Variants in MYO16 observed in about 807,000 individuals in gnomAD.
The protein encoded by MYO16 is unconventional myosin-XVI.
A neutral mutation model predicts 205.3 loss-of-function variants in MYO16; 94 were observed. The ratio of observed to expected loss-of-function variants is 0.46; its 90% CI spans 0.39 to 0.54. MYO16 has a LOEUF of 0.54. Among genes scored for constraint, MYO16 ranks in the 20% least tolerant of loss-of-function variants. The pLI is 0.00. For missense variants in MYO16, 2,315 were observed against 2,387.5 expected, an observed-to-expected ratio of 0.97 and a Z score of 0.63; for synonymous variants, 988 against 954.0, an observed-to-expected ratio of 1.04 and a Z score of -0.66.
the MYO16 span, among the ~76,000 whole-genome samples, chr13:108,556,422 G>C: frequency 2.0e-5 from 3 of 152,154 alleles, no homozygotes; most frequent in African/African-American, 4.8e-5. Context: ...TTGGCCATTT[G>C]TATGAATTCT....
chr13:109,134,697 A>G (rs1257050625), intron 31 of MYO16, among the ~76,000 whole-genome samples: 3 of 152,150 alleles, frequency 2.0e-5, no homozygotes, highest in African/African-American at 7.2e-5. Flanking sequence ...GGGAGAGAGA[A>G]AGCAGTAGAT....
chr13:109,023,919 A>C (rs1566468671), intron 23 of MYO16, among the ~76,000 whole-genome samples: 1 of 140,684 alleles, frequency 7.1e-6, no homozygotes, highest in African/African-American at 2.6e-5. Flanking sequence ...ATAAGTATAA[A>C]ATACATAAAT....
chr13:108,823,910 A>G (rs1443676143), intron 9 of MYO16, among the ~76,000 whole-genome samples: 3 of 152,274 alleles, frequency 2.0e-5, no homozygotes, highest in Middle Eastern at 6.8e-3. Context: ...GGTGTTATGT[A>G]TATAACTTAG....
chr13:109,168,068 A>T (rs1318624980), intron 33 of MYO16, among the ~76,000 whole-genome samples: 2 of 152,154 alleles, frequency 1.3e-5, no homozygotes, highest in African/African-American at 4.8e-5. Flanking sequence ...AAAGAATATT[A>T]GTGGGGTAGA....
intron 1 of MYO16, among the ~76,000 whole-genome samples, chr13:108,612,974 C>T (rs1328893745): frequency 1.3e-5 from 2 of 152,196 alleles, no homozygotes; most frequent in East Asian, 1.9e-4. Flanking sequence ...CAAGAAATAG[C>T]ACTTCATGTT....
chr13:108,722,305 T>G (rs9514888), intron 3 of MYO16, among the ~76,000 whole-genome samples: 73,130 of 151,948 alleles, frequency 0.48, 17,796 homozygotes, highest in East Asian at 0.6. Flanking sequence ...TTGGGAGGAA[T>G]ATTTCCTGGC....
chr13:108,826,128 GAAAAA>G (rs1296690865), intron 9 of MYO16, among the ~76,000 whole-genome samples: 1 of 151,944 alleles, frequency 6.6e-6, no homozygotes, highest in Non-Finnish European at 1.5e-5. Flanking sequence ...ATAATTATGT[GAAAAA>G]AGAACAAAGT....
intron 12 of MYO16, among the ~76,000 whole-genome samples, chr13:108,873,039 T>C (rs1490782360): frequency 6.6e-6 from 1 of 152,202 alleles, no homozygotes; most frequent in African/African-American, 2.4e-5. Flanking sequence ...TATTAGTGCC[T>C]AGTAAATAAT....
intron 2 of MYO16, among the ~76,000 whole-genome samples, chr13:108,666,583 A>T (rs530699051): frequency 6.6e-6 from 1 of 152,182 alleles, no homozygotes; most frequent in South Asian, 2.1e-4. Flanking sequence ...TCAGCCTCCC[A>T]GAGTGCAGGA....
At chr13:109,075,088 C>T (rs1888048427) in intron 27 of MYO16, among the ~76,000 whole-genome samples, 1 of 152,128 alleles carries the variant, frequency 6.6e-6, no homozygotes, top group African/African-American at 2.4e-5. Flanking sequence ...TATTTACACA[C>T]CCATTGATAG....
intron 4 of MYO16, among the ~76,000 whole-genome samples, chr13:108,731,697 A>G (rs893018204): frequency 6.6e-6 from 1 of 152,224 alleles, no homozygotes; most frequent in Non-Finnish European, 1.5e-5. Context: ...CTCTCATTCA[A>G]TGACTTCTAC....
At position 109,023,714 on chromosome 13, in the gene MYO16, A is replaced by ATATATGTATATATGTATATATACAT. The variant is rs1886241293; in HGVS notation, c.2796+3803_2796+3804insTATATGTATATATGTATATATACAT. ...ATATATGTATATATGTATATATACA[A>ATATATGTATATATGTATATATACAT]ATATATGTATATATGCATATATACA... On this transcript the variant is annotated intron_variant, in intron 23 of 34. Transcript: ENST00000457511. 1.6e-4 allele frequency among the ~76,000 whole-genome samples: 9 copies of ATATATGTATATATGTATATATACAT among 56,464 alleles called. No homozygotes were observed. The South Asian group carries it at 2.5e-3, about 15-fold the overall frequency. The allele number at this position is 56,464 out of a possible 152,430, so 37.0% of individuals were successfully genotyped here. A position where few individuals can be genotyped will look rare whatever the true frequency, so the allele number is the denominator to read the frequency against.
intron 2 of MYO16, among the ~76,000 whole-genome samples, chr13:108,709,811 C>T (rs1883652747): frequency 7.4e-6 from 1 of 134,364 alleles, no homozygotes; most frequent in African/African-American, 2.8e-5. Context: ...CAGTAGTCGA[C>T]TTTGTCTTAT....
rs1221946207 is a variant in MYO16 at position 109,207,958 on chromosome 13, C to T, written c.*1122C>T. 6.6e-6 allele frequency: 1 copy of T among 152,236 alleles called. No homozygotes were observed. The highest frequency in any genetic ancestry group is 6.5e-5 in the Admixed American group (1 of 15,284). 9.4% of individuals were successfully genotyped at this position (152,236 alleles called of 1,614,324 possible). A position where few individuals can be genotyped will look rare whatever the true frequency, so the allele number is the denominator to read the frequency against. On this transcript the variant is annotated 3_prime_UTR_variant, in exon 35 of 35. Transcript: ENST00000457511. ...CTTGGAACTTTTTATTCATACCAGC[C>T]TTTGAAAAGTTACTGTGCCAATAAA...
At chr13:108,743,043 C>T (rs375152198) in intron 4 of MYO16, among the ~76,000 whole-genome samples, 5 of 152,164 alleles carry the variant, frequency 3.3e-5, no homozygotes, top group East Asian at 3.8e-4. Flanking sequence ...CTATTCGGTA[C>T]AGTTAGCAAT....
chr13:108,868,219 G>A (rs982196594), intron 12 of MYO16, among the ~76,000 whole-genome samples: 6 of 152,008 alleles, frequency 3.9e-5, no homozygotes, highest in Admixed American at 1.3e-4. Context: ...GATAAATATC[G>A]ACAATTTTCT....
the MYO16 span, among the ~76,000 whole-genome samples, chr13:108,516,385 T>C: frequency 2.0e-5 from 3 of 152,010 alleles, no homozygotes; most frequent in South Asian, 6.3e-4. Context: ...TGGCACTCCC[T>C]AGTGAGATGA....
rs539255080 is a variant in MYO16 at position 108,727,126 on chromosome 13, G to T, written c.364-314G>T. Among the ~76,000 whole-genome samples, 3 of 151,680 alleles carry T rather than the reference G, an allele frequency of 2.0e-5. No homozygotes were observed. The East Asian group carries it at 5.8e-4, about 29-fold the overall frequency. ...TTTAGAAAGATAATTATTGTGAATG[G>T]TTCAAGTTTTTTTTAAATAATCCTA... On this transcript the variant is annotated intron_variant, in intron 3 of 34. Transcript: ENST00000457511.
At chr13:108,743,925 G>A (rs190901162) in intron 4 of MYO16, among the ~76,000 whole-genome samples, 32 of 152,314 alleles carry the variant, frequency 2.1e-4, no homozygotes, top group African/African-American at 7.0e-4. Context: ...TTACAGTTTG[G>A]TTATAAATTA....
Sources: allele counts gnomAD v4.1 joint callset (sites outside exome capture counted in the v4.1 genomes callset), GRCh38; gene constraint gnomAD v4.1.1; transcripts MANE v1.5; gene names NCBI Gene and HGNC (gene_info 2026-07-23, HGNC 2026-07-21).